The following CDH23 variants were observed in gnomAD, a reference collection of about 807,000 sequenced individuals.
CDH23 encodes the protein cadherin-23.
Under a neutral mutation model 317.1 loss-of-function variants are expected in CDH23, and 189 were observed. The ratio of observed to expected loss-of-function variants is 0.60; its 90% CI spans 0.53 to 0.67. The LOEUF (loss-of-function observed/expected upper bound fraction) is 0.67. Among genes scored for constraint, CDH23 ranks in the 30% least tolerant of loss-of-function variants. The probability of loss-of-function intolerance (pLI) is 0.00; values close to 1 mark genes in which losing one functional copy is unlikely to be tolerated. For missense variants in CDH23, 4,401 were observed against 4,592.4 expected, an observed-to-expected ratio of 0.96 and a Z score of 1.20; for synonymous variants, 1,839 against 1,876.8, an observed-to-expected ratio of 0.98 and a Z score of 0.52.
Position 71,805,946 on chromosome 10 carries a change from C to T in CDH23, c.8013C>T (p.Gly2671=), listed in dbSNP as rs929908544. 1 of 1,613,470 alleles carries T rather than the reference C, an allele frequency of 6.2e-7. No individual in the cohort carries two copies. The highest frequency in any genetic ancestry group is 8.5e-7 in the Non-Finnish European group (1 of 1,179,764). The part of the protein sequence containing the change: ...WEFFIIDPIS[G]LIQTAQRLDR... The stretch of plus-strand genomic sequence containing the variant: ...TCTTCATCATCGACCCAATCAGCGG[C>T]CTCATCCAGACTGCTCAGCGCCTGG... The change falls in exon 56 of 70, where the codon GGC becomes GGT. Residue 2671 remains glycine (G), a synonymous_variant. Transcript: ENST00000224721.
In CDH23 at chr10:71,810,557, T is replaced by C; in HGVS notation, c.9065T>C (p.Leu3022Pro). 6.2e-7 allele frequency: 1 copy of C among 1,613,912 alleles called. No homozygotes were observed. The highest frequency in any genetic ancestry group is 8.5e-7 in the Non-Finnish European group (1 of 1,179,808). Residue 3022 changes from leucine (L) to proline (P), a missense_variant, in exon 62 of 70, where the codon CTG becomes CCG. Coordinates refer to ENST00000224721, the MANE Select transcript of CDH23 (RefSeq NM_022124.6). ...HVVNRDTNRILDVDRVIQMID... is the reference protein window; with the variant it reads ...HVVNRDTNRIPDVDRVIQMID... ...GTGAACCGCGATACCAACCGCATCCTGGACGTGGACCGGTGAGTCGGGGCC... is the reference window on the plus strand; with the variant it reads ...GTGAACCGCGATACCAACCGCATCCCGGACGTGGACCGGTGAGTCGGGGCC...
intron 28 of CDH23, chr10:71,719,761 C>G (rs1866461517): frequency 6.6e-6 from 1 of 152,456 alleles, no homozygotes; most frequent in Non-Finnish European, 1.5e-5. Flanking sequence ...AGCCCTCGGT[C>G]AGCCTGGCCA....
At chr10:71,426,855 G>A (rs1320469399) in intron 1 of CDH23, among the ~76,000 whole-genome samples, 1 of 152,048 alleles carries the variant, frequency 6.6e-6, no homozygotes, top group Admixed American at 6.6e-5. Context: ...ATCTCACAAA[G>A]ATACCTTTAG....
intron 6 of CDH23, among the ~76,000 whole-genome samples, chr10:71,521,104 G>T (rs369960889): frequency 4.6e-5 from 7 of 151,732 alleles, no homozygotes; most frequent in Admixed American, 2.6e-4. Flanking sequence ...TAAAAAGCCC[G>T]CTCTTCTCTC....
At chr10:71,506,056 A>G (rs2132182621) in intron 3 of CDH23, among the ~76,000 whole-genome samples, 1 of 152,392 alleles carries the variant, frequency 6.6e-6, no homozygotes, top group African/African-American at 2.4e-5. Context: ...CAGCTGTTAA[A>G]AAGGAGTGAA....
chr10:71,709,180 A>G lies in CDH23; in HGVS notation c.3189A>G (p.Thr1063=), dbSNP rs1453060256. The G allele has an allele frequency of 1.2e-6, 2 of 1,613,954 alleles. No individual in the cohort carries two copies. The highest frequency in any genetic ancestry group is 1.7e-6 in the Non-Finnish European group (2 of 1,179,882). The change falls in exon 27 of 70, where the codon ACA becomes ACG. Residue 1063 remains threonine, a synonymous_variant. Transcript: ENST00000224721. ...TGGTGGGCCTGGACCGGGAGACCAC[A>G]GCCGCCTACATGCTCATCCTGGAGG... The part of the protein sequence containing the change: ...RTVVGLDRET[T]AAYMLILEAI...
chr10:71,791,405 C>T, intron 47 of CDH23, 70 bp downstream of exon 47: 1 of 1,373,780 alleles, frequency 7.3e-7, no homozygotes, highest in Non-Finnish European at 1.0e-6. Context: ...ACTGGAGCCT[C>T]AGGTTGGACA....
At chr10:71,720,401 C>T (rs1866498682) in intron 28 of CDH23, among the ~76,000 whole-genome samples, 1 of 149,202 alleles carries the variant, frequency 6.7e-6, no homozygotes, top group South Asian at 2.1e-4. Flanking sequence ...GGGAGACCTC[C>T]ACTGGAGGCT....
chr10:71,444,101 C>T (rs540948639), intron 2 of CDH23, among the ~76,000 whole-genome samples: 1 of 152,382 alleles, frequency 6.6e-6, no homozygotes, highest in South Asian at 2.1e-4. Context: ...CTGCGTCCTG[C>T]TCTCCTGTAT....
rs553363229 is a variant in CDH23 at position 71,684,437 on chromosome 10, C to A, written c.1986+1865C>A. ...GGTGAATGTGCAGCCTGCTCCACCC[C>A]CCCTGGAGACACCAAGTGGAAAGAG... On this transcript the variant is annotated intron_variant, in intron 18 of 69. Coordinates refer to ENST00000224721, the MANE Select transcript of CDH23 (RefSeq NM_022124.6). Among the ~76,000 whole-genome samples, 101 of 152,184 alleles carry A rather than the reference C, an allele frequency of 6.6e-4. 2 individuals carry two copies. In the South Asian group the frequency reaches 0.018, roughly 27 times the overall value.
At chr10:71,790,507 C>G in intron 46 of CDH23, 94 bp downstream of exon 46, 3 of 1,481,046 alleles carry the variant, frequency 2.0e-6, no homozygotes, top group Non-Finnish European at 1.8e-6. Context: ...CAGTGCTGGA[C>G]CCAGGCTGTC....
intron 3 of CDH23, among the ~76,000 whole-genome samples, chr10:71,495,831 A>AGGAAGGAAGGAAGGAAGGAAG (rs1564615558): frequency 3.4e-5 from 5 of 148,436 alleles, no homozygotes; most frequent in African/African-American, 1.0e-4. Context: ...AAAGAAAGAA[A>AGGAAGGAAGGAAGGAAGGAAG]GAAAGAAAGA....
intron 6 of CDH23, among the ~76,000 whole-genome samples, chr10:71,547,342 G>A (rs1296629116): frequency 1.3e-5 from 2 of 152,240 alleles, no homozygotes; most frequent in African/African-American, 2.4e-5. Flanking sequence ...GGCACAGGCA[G>A]CGGCTGGAGG....
chr10:71,751,675 T>C lies in CDH23; in HGVS notation c.4845+9754T>C, dbSNP rs1445490044. On this transcript the variant is annotated intron_variant, in intron 38 of 69. Coordinates refer to ENST00000224721, the MANE Select transcript of CDH23 (RefSeq NM_022124.6). The surrounding 1 kb of genome is among the most constrained non-coding windows in gnomAD (Gnocchi z 4.9). The stretch of plus-strand genomic sequence containing the variant: ...AGGTCAGGAAACACTTACCCAGGGA[T>C]GGGAAGAAGACGTCTCCGGGGCCTG... The C allele has an allele frequency of 6.5e-6, 10 of 1,530,318 alleles. No homozygotes were observed. The highest frequency in any genetic ancestry group is 1.4e-5 in the African/African-American group (1 of 72,154). 94.8% of individuals were successfully genotyped at this position (1,530,318 alleles called of 1,614,324 possible). A position where few individuals can be genotyped will look rare whatever the true frequency, so the allele number is the denominator to read the frequency against.
Position 71,800,641 on chromosome 10 carries a change from C to T in CDH23, c.7368C>T (p.Asp2456=), listed in dbSNP as rs979343566. The change falls in exon 53 of 70, where the codon GAC becomes GAT. Residue 2456 remains aspartate, a synonymous_variant. Transcript: ENST00000224721. ...SKFAINPTTG[D]IYVLSSLDRE... ...AGCCACCCTCCCCCTACTAGGGTGA[C>T]ATCTATGTGCTGTCTTCTCTGGACC... 1 of 1,613,936 alleles carries T rather than the reference C, an allele frequency of 6.2e-7. No homozygotes were observed. Among genetic ancestry groups the T allele is most frequent in the South Asian group, 1.1e-5 (1 of 91,060 alleles).
chr10:71,479,560 GC>G (rs1359110410), intron 3 of CDH23, among the ~76,000 whole-genome samples: 1 of 152,162 alleles, frequency 6.6e-6, no homozygotes, highest in Non-Finnish European at 1.5e-5. Context: ...ATGCCATAAA[GC>G]CCACCATTAG....
At chr10:71,583,564 G>A (rs961658666) in intron 9 of CDH23, among the ~76,000 whole-genome samples, 17 of 152,160 alleles carry the variant, frequency 1.1e-4, no homozygotes, top group African/African-American at 4.1e-4. Context: ...GGGGCATGGA[G>A]GCCTTAGAGG....
chr10:71,752,137 A>C, intron 38 of CDH23: 1 of 608,040 alleles, frequency 1.6e-6, no homozygotes, highest in Non-Finnish European at 3.0e-6. Flanking sequence ...CACAGCCAGG[A>C]AGCCAAAAAT....
At chr10:71,559,675 C>G (rs1013467872) in intron 6 of CDH23, among the ~76,000 whole-genome samples, 2 of 152,306 alleles carry the variant, frequency 1.3e-5, no homozygotes, top group South Asian at 2.1e-4. Flanking sequence ...GGGAGACCAG[C>G]TTAGGCCCAG....
Sources: gnomAD v4.1 joint callset for allele counts (sites outside exome capture counted in the v4.1 genomes callset) on GRCh38, gnomAD v4.1.1 for gene constraint, Gnocchi (gnomAD v3.1) non-coding constraint, MANE v1.5 for transcripts, NCBI Gene and HGNC (gene_info 2026-07-23, HGNC 2026-07-21) for gene names.